The following SDK1 variants were observed in gnomAD, a reference collection of about 807,000 sequenced individuals.
SDK1 encodes protein sidekick-1.
Under a neutral mutation model 245.5 loss-of-function variants are expected in SDK1, and 157 were observed. The ratio of observed to expected loss-of-function variants is 0.64; its 90% CI spans 0.56 to 0.73. The LOEUF is 0.73. Among genes scored for constraint, SDK1 ranks in the 30% least tolerant of loss-of-function variants. The pLI is 0.00. For synonymous variants in SDK1, 1,647 were observed against 1,278.5 expected (o/e 1.29, Z -6.15); for missense variants, 3,583 against 3,002.3 (o/e 1.19, Z -4.52).
intron 4 of SDK1, among the ~76,000 whole-genome samples, chr7:3,644,360 A>G (rs549889059): frequency 5.3e-5 from 8 of 151,844 alleles, no homozygotes; most frequent in African/African-American, 1.9e-4. Flanking sequence ...ATTACAAGTT[A>G]CTTAGGTATC....
intron 1 of SDK1, among the ~76,000 whole-genome samples, chr7:3,356,923 T>C (rs868064314): frequency 3.8e-4 from 58 of 150,688 alleles, no homozygotes; most frequent in African/African-American, 1.2e-3. Context: ...GGCATGGTGG[T>C]GCGTGCTTCT....
chr7:3,321,778 C>CTACTTCCT (rs1337962419), intron 1 of SDK1, among the ~76,000 whole-genome samples: 2 of 50,376 alleles, frequency 4.0e-5, no homozygotes, highest in African/African-American at 1.8e-4. Context: ...TTCCTTCCTT[C>CTACTTCCT]TCCTTCCTTC....
At chr7:3,672,127 G>A (rs539447581) in intron 4 of SDK1, among the ~76,000 whole-genome samples, 2 of 152,048 alleles carry the variant, frequency 1.3e-5, no homozygotes, top group Non-Finnish European at 2.9e-5. Flanking sequence ...GAGGAGTGGC[G>A]GGTCATGGTG....
rs1562395400 is a variant in SDK1 at position 4,178,520 on chromosome 7, A to G, written c.5032A>G (p.Thr1678Ala). The G allele has an allele frequency of 6.2e-7, 1 of 1,613,880 alleles. No homozygotes were observed. Among genetic ancestry groups the G allele is most frequent in the South Asian group, 1.1e-5 (1 of 91,078 alleles). The change falls in exon 35 of 45, where the codon ACC becomes GCC. Residue 1678 changes from threonine (T) to alanine (A), a missense_variant. Coordinates refer to ENST00000404826, the MANE Select transcript of SDK1 (RefSeq NM_152744.4). ...GTACCGGCGCTATGAAGTAATAATG[A>G]CCGCCTATAACATCATCGGCGAGAG... The part of the protein sequence containing the change: ...KKYRRYEVIM[T>A]AYNIIGESPA...
chr7:3,557,893 A>AC (rs1240464266), intron 1 of SDK1, among the ~76,000 whole-genome samples: 1 of 152,228 alleles, frequency 6.6e-6, no homozygotes, highest in Non-Finnish European at 1.5e-5. Flanking sequence ...TAGTAGTTTT[A>AC]CATGATCACA....
chr7:3,369,676 AG>A (rs1201865938), intron 1 of SDK1, among the ~76,000 whole-genome samples: 3 of 152,202 alleles, frequency 2.0e-5, no homozygotes, highest in Admixed American at 6.5e-5. Flanking sequence ...GTCACTGAAG[AG>A]TTGACTTTAA....
At chr7:4,142,587 A>G (rs982118955) in intron 28 of SDK1, among the ~76,000 whole-genome samples, 4 of 152,240 alleles carry the variant, frequency 2.6e-5, no homozygotes, top group South Asian at 2.1e-4. Flanking sequence ...TCGGCCTCCC[A>G]AAGTGCTGAG....
In SDK1 at chr7:3,975,905, C is replaced by T. The variant is rs974049554; in HGVS notation, c.1994+1360C>T. On this transcript the variant is annotated intron_variant, in intron 13 of 44. Transcript: ENST00000404826. Reference sequence around the variant, plus strand: ...TGGTGCTGCAGCTGCAAAGCTGCCACGTAGAGGGTCCTCCAGAGAATCACT... The same window carrying T: ...TGGTGCTGCAGCTGCAAAGCTGCCATGTAGAGGGTCCTCCAGAGAATCACT... Among the ~76,000 whole-genome samples, 40 of 148,694 alleles carry T rather than the reference C, an allele frequency of 2.7e-4. 1 individual carries two copies. Among genetic ancestry groups the T allele is most frequent in the African/African-American group, 5.7e-4 (23 of 40,432 alleles).
chr7:4,011,945 C>T (rs549498822), intron 15 of SDK1, 150 bp from the exon 16 acceptor site: 1 of 564,866 alleles, frequency 1.8e-6, no homozygotes. Flanking sequence ...CACGTCCTTT[C>T]AGTTTCATTG....
intron 20 of SDK1, among the ~76,000 whole-genome samples, chr7:4,076,551 A>AATAG (rs1415823564): frequency 2.9e-5 from 4 of 138,806 alleles, no homozygotes; most frequent in East Asian, 2.0e-4. Flanking sequence ...CTCAAAAATA[A>AATAG]ATAGATAGAT....
At chr7:3,546,958 C>T (rs1779244226) in intron 1 of SDK1, among the ~76,000 whole-genome samples, 1 of 152,082 alleles carries the variant, frequency 6.6e-6, no homozygotes, top group Non-Finnish European at 1.5e-5. Flanking sequence ...CATCTTTTCA[C>T]ACTTTTGATT....
intron 1 of SDK1, among the ~76,000 whole-genome samples, chr7:3,316,637 C>G (rs1779669152): frequency 6.6e-6 from 1 of 152,186 alleles, no homozygotes; most frequent in Non-Finnish European, 1.5e-5. Flanking sequence ...GTGCCACTTT[C>G]TGAGAATGCC....
At chr7:3,779,463 AAAAAAAAAC>A (rs1194728026) in intron 4 of SDK1, among the ~76,000 whole-genome samples, 1 of 151,946 alleles carries the variant, frequency 6.6e-6, no homozygotes, top group African/African-American at 2.4e-5. Flanking sequence ...TTTTTTTAAA[AAAAAAAAAC>A]AAGGACAAAT....
intron 1 of SDK1, among the ~76,000 whole-genome samples, chr7:3,583,028 G>C (rs781483342): frequency 5.4e-4 from 82 of 152,184 alleles, no homozygotes; most frequent in Non-Finnish European, 1.5e-4. Flanking sequence ...CTGTGACCCA[G>C]GTCTAGTCCT....
Position 3,321,778 on chromosome 7 carries a change from C to CT in SDK1, c.298+19895dup, listed in dbSNP as rs1337962419. On this transcript the variant is annotated intron_variant, in intron 1 of 44. Transcript: ENST00000404826. The stretch of plus-strand genomic sequence containing the variant: ...CCCTCCCTCCCTTCCTTCCTTCCTT[C>CT]TCCTTCCTTCCTTCCTTCCTTCCTT... Among the ~76,000 whole-genome samples, 343 of 50,368 alleles carry CT rather than the reference C, an allele frequency of 6.8e-3. 5 individuals are homozygous for CT. Among genetic ancestry groups the CT allele is most frequent in the Non-Finnish European group, 9.6e-3 (279 of 29,018 alleles). 33.0% of individuals were successfully genotyped at this position (50,368 alleles called of 152,430 possible).
intron 1 of SDK1, among the ~76,000 whole-genome samples, chr7:3,486,488 A>C (rs138352322): frequency 6.6e-6 from 1 of 152,036 alleles, no homozygotes; most frequent in Non-Finnish European, 1.5e-5. Context: ...GTAAGTTATA[A>C]ACTAAGTTTA....
intron 4 of SDK1, among the ~76,000 whole-genome samples, chr7:3,798,466 C>T (rs1377861920): frequency 6.6e-6 from 1 of 152,126 alleles, no homozygotes; most frequent in Admixed American, 6.6e-5. Context: ...ATCCACCCAC[C>T]TTGGCCTCCC....
intron 5 of SDK1, among the ~76,000 whole-genome samples, chr7:3,942,850 A>G (rs964928386): frequency 1.3e-5 from 2 of 152,104 alleles, no homozygotes; most frequent in African/African-American, 2.4e-5. Flanking sequence ...GGAAATGTCT[A>G]TTTATGTGGT....
chr7:3,331,464 G>C (rs1780067421), intron 1 of SDK1, among the ~76,000 whole-genome samples: 1 of 152,146 alleles, frequency 6.6e-6, no homozygotes, highest in Admixed American at 6.5e-5. Context: ...ATACATATCA[G>C]ATCCTTTGCC....
Sources: allele counts gnomAD v4.1 joint callset (sites outside exome capture counted in the v4.1 genomes callset), GRCh38; gene constraint gnomAD v4.1.1; transcripts MANE v1.5; gene names NCBI Gene and HGNC (gene_info 2026-07-23, HGNC 2026-07-21).